Variants in SNX29 observed in about 807,000 individuals in gnomAD.
SNX29 encodes the protein sorting nexin 29.
A neutral mutation model predicts 102.1 loss-of-function variants in SNX29; 78 were observed. That is an observed-to-expected ratio of 0.76 (90% confidence interval 0.64 to 0.92). SNX29 has a LOEUF of 0.92. SNX29 is among the 40% of genes least tolerant of loss of function. The pLI, the probability that SNX29 is intolerant of heterozygous loss-of-function variation, is 0.00. For synonymous variants in SNX29, 580 were observed against 414.5 expected, an observed-to-expected ratio of 1.40 and a Z score of -4.85; for missense variants, 1,280 against 1,061.7, an observed-to-expected ratio of 1.21 and a Z score of -2.86.
chr16:12,374,078 C>T (rs973302169), intron 16 of SNX29, among the ~76,000 whole-genome samples: 20 of 152,172 alleles, frequency 1.3e-4, no homozygotes, highest in African/African-American at 4.8e-4. Flanking sequence ...GAGGTTTGGC[C>T]CTGCTCCTCC....
chr16:12,492,062 G>T (rs1267139327), intron 19 of SNX29, among the ~76,000 whole-genome samples: 1 of 152,170 alleles, frequency 6.6e-6, no homozygotes, highest in Non-Finnish European at 1.5e-5. Flanking sequence ...GGATGGCTGG[G>T]TCAGATGGTA....
At chr16:12,556,091 C>T (rs1049460617) in intron 20 of SNX29, among the ~76,000 whole-genome samples, 3 of 152,154 alleles carry the variant, frequency 2.0e-5, no homozygotes, top group African/African-American at 7.2e-5. Context: ...TTAATTTCTG[C>T]TTTCATTGAG....
At chr16:12,270,959 C>T (rs1380115443) in intron 14 of SNX29, among the ~76,000 whole-genome samples, 1 of 152,148 alleles carries the variant, frequency 6.6e-6, no homozygotes, top group African/African-American at 2.4e-5. Flanking sequence ...AGGAGAATGG[C>T]TTGAACTGGG....
intron 14 of SNX29, among the ~76,000 whole-genome samples, chr16:12,210,953 C>G (rs113913935): frequency 0.013 from 1,925 of 152,250 alleles, 33 homozygotes; most frequent in Admixed American, 0.04. Flanking sequence ...TTTTCACCTG[C>G]AACCCTGTTT....
At chr16:12,539,257 C>T (rs922817388) in intron 20 of SNX29, among the ~76,000 whole-genome samples, 1 of 152,112 alleles carries the variant, frequency 6.6e-6, no homozygotes, top group African/African-American at 2.4e-5. Context: ...GCTGTTTTCC[C>T]CTCATTTCCT....
intron 20 of SNX29, among the ~76,000 whole-genome samples, chr16:12,557,018 C>G (rs1369889198): frequency 1.8e-4 from 6 of 33,920 alleles, no homozygotes; most frequent in East Asian, 1.5e-3. Flanking sequence ...CTAATTTACC[C>G]CCCCCCCGCC....
Position 12,571,588 on chromosome 16 carries a change from G to A in SNX29, c.*2959G>A. 1 of 1,052,610 alleles carries A rather than the reference G, an allele frequency of 9.5e-7. No individual in the cohort carries two copies. The highest frequency in any genetic ancestry group is 1.2e-6 in the Non-Finnish European group (1 of 868,702). The allele number at this position is 1,052,610 out of a possible 1,614,324, so 65.2% of individuals were successfully genotyped here. Reference sequence around the variant, plus strand: ...TCCTTCTGTCTTCATGGCCTGCTGTGCTGAAACAGAACAGCAGGTTCCATC... The same window carrying A: ...TCCTTCTGTCTTCATGGCCTGCTGTACTGAAACAGAACAGCAGGTTCCATC... On this transcript the variant is annotated 3_prime_UTR_variant, in exon 21 of 21. Coordinates refer to ENST00000566228, the MANE Select transcript of SNX29 (RefSeq NM_032167.5).
At chr16:12,426,942 A>G (rs1171951045) in intron 18 of SNX29, among the ~76,000 whole-genome samples, 1 of 152,212 alleles carries the variant, frequency 6.6e-6, no homozygotes, top group Non-Finnish European at 1.5e-5. Context: ...CTGGGATTAC[A>G]GGGCCCGAGC....
chr16:12,368,028 C>T (rs2082548240), intron 16 of SNX29, among the ~76,000 whole-genome samples: 1 of 152,238 alleles, frequency 6.6e-6, no homozygotes, highest in Non-Finnish European at 1.5e-5. Flanking sequence ...CCCAAGTGAT[C>T]ACATGCTCCT....
intron 18 of SNX29, among the ~76,000 whole-genome samples, chr16:12,444,206 C>G (rs1398960664): frequency 1.3e-5 from 2 of 151,928 alleles, no homozygotes; most frequent in Non-Finnish European, 2.9e-5. Flanking sequence ...ACATAGTAAG[C>G]ACTCAGTATA....
intron 6 of SNX29, among the ~76,000 whole-genome samples, chr16:12,046,684 A>C (rs564560600): frequency 6.6e-6 from 1 of 152,146 alleles, no homozygotes; most frequent in African/African-American, 2.4e-5. Flanking sequence ...CAGTGATGCA[A>C]CCTCGGCTCA....
chr16:12,161,923 T>A (rs1288970904), intron 13 of SNX29, among the ~76,000 whole-genome samples: 2 of 152,154 alleles, frequency 1.3e-5, no homozygotes, highest in Non-Finnish European at 2.9e-5. Flanking sequence ...CCATATAAAT[T>A]ACCCAGCCTC....
At chr16:12,564,109 T>G (rs1184105476) in intron 20 of SNX29, among the ~76,000 whole-genome samples, 1 of 152,142 alleles carries the variant, frequency 6.6e-6, no homozygotes, top group African/African-American at 2.4e-5. Context: ...TCCTCCTTGA[T>G]TGGGTGTGGT....
At chr16:12,292,011 G>T (rs1345437094) in intron 15 of SNX29, among the ~76,000 whole-genome samples, 1 of 152,230 alleles carries the variant, frequency 6.6e-6, no homozygotes, top group Non-Finnish European at 1.5e-5. Context: ...CAAGCAATCA[G>T]TGAATCAAAA....
intron 20 of SNX29, among the ~76,000 whole-genome samples, chr16:12,558,563 C>G (rs150964720): frequency 1.3e-5 from 2 of 152,344 alleles, no homozygotes; most frequent in Non-Finnish European, 2.9e-5. Context: ...CTCAGTACCC[C>G]GTCCATGGTG....
chr16:12,417,073 G>A (rs2084666331), intron 18 of SNX29, among the ~76,000 whole-genome samples: 1 of 152,246 alleles, frequency 6.6e-6, no homozygotes, highest in Non-Finnish European at 1.5e-5. Flanking sequence ...CCCAGGTGCA[G>A]CCAGGGTGCC....
At chr16:12,114,157 T>G (rs1223586470) in intron 11 of SNX29, among the ~76,000 whole-genome samples, 4 of 152,190 alleles carry the variant, frequency 2.6e-5, no homozygotes, top group Non-Finnish European at 5.9e-5. Flanking sequence ...ATATGAGCTG[T>G]GACTCATTTG....
chr16:12,557,665 A>C (rs1436285049), intron 20 of SNX29: 2 of 152,174 alleles, frequency 1.3e-5, no homozygotes, highest in African/African-American at 4.8e-5. Context: ...CCCAGCCCAA[A>C]AAATCTTTTT....
chr16:12,448,992 T>A (rs531760845), intron 18 of SNX29, among the ~76,000 whole-genome samples: 1 of 152,282 alleles, frequency 6.6e-6, no homozygotes, highest in South Asian at 2.1e-4. Context: ...AGGGCAGGTT[T>A]GCATTGAGGA....
Sources: allele counts gnomAD v4.1 joint callset (sites outside exome capture counted in the v4.1 genomes callset), GRCh38; gene constraint gnomAD v4.1.1; transcripts MANE v1.5; gene names NCBI Gene and HGNC (gene_info 2026-07-23, HGNC 2026-07-21).